CDH13: variants seen among roughly 807,000 people sequenced by gnomAD.
CDH13 encodes the protein cadherin 13.
A neutral mutation model predicts 63.8 loss-of-function variants in CDH13; 24 were observed. The observed-to-expected ratio is 0.38, with a 90% CI of 0.27 to 0.53. The LOEUF is 0.53. CDH13 is among the 20% of genes least tolerant of loss of function. The pLI is 0.85. For missense variants in CDH13, 1,049 were observed against 903.1 expected (o/e 1.16, Z -2.07); for synonymous variants, 503 against 355.3 (o/e 1.42, Z -4.67).
chr16:82,992,879 C>T (rs1011928728), intron 2 of CDH13, among the ~76,000 whole-genome samples: 1 of 152,110 alleles, frequency 6.6e-6, no homozygotes. Flanking sequence ...AATGAAGATG[C>T]TGGTTAGGCA....
At position 83,136,028 on chromosome 16, in the gene CDH13, T is replaced by G. The variant is rs535992275; in HGVS notation, c.483+10527T>G. On this transcript the variant is annotated intron_variant, in intron 4 of 13. Transcript: ENST00000567109. Reference sequence around the variant, plus strand: ...GACTTTGGGGACTGGGAGGAAAGGATGGGAGAGGGGAGAGGGATAAAAGAC... The same window carrying G: ...GACTTTGGGGACTGGGAGGAAAGGAGGGGAGAGGGGAGAGGGATAAAAGAC... Among the ~76,000 whole-genome samples the G allele has an allele frequency of 2.2e-3, 335 of 151,782 alleles. 3 individuals are homozygous for G. The highest frequency in any genetic ancestry group is 7.5e-3 in the African/African-American group (312 of 41,376).
At chr16:83,367,466 G>C (rs1281843408) in intron 6 of CDH13, among the ~76,000 whole-genome samples, 1 of 152,152 alleles carries the variant, frequency 6.6e-6, no homozygotes, top group Non-Finnish European at 1.5e-5. Flanking sequence ...TTTTGTGTAA[G>C]TTTCCTGTGG....
chr16:82,794,248 T>G (rs971188816), intron 1 of CDH13, among the ~76,000 whole-genome samples: 6 of 151,506 alleles, frequency 4.0e-5, no homozygotes, highest in African/African-American at 1.2e-4. Flanking sequence ...ATCATTCTTC[T>G]TCTTCCACTG....
At chr16:82,834,475 A>AT (rs1478109731) in intron 1 of CDH13, among the ~76,000 whole-genome samples, 17 of 152,226 alleles carry the variant, frequency 1.1e-4, no homozygotes, top group Admixed American at 1.1e-3. Context: ...CTCTAAAAAA[A>AT]AGAAAAGAGA....
intron 11 of CDH13, among the ~76,000 whole-genome samples, chr16:83,774,422 G>T (rs914810937): frequency 6.6e-6 from 1 of 152,120 alleles, no homozygotes; most frequent in Non-Finnish European, 1.5e-5. Context: ...GCCCAGGCTG[G>T]AGTGCAGTGG....
chr16:83,428,218 C>T (rs2071974363), intron 6 of CDH13, among the ~76,000 whole-genome samples: 1 of 152,100 alleles, frequency 6.6e-6, no homozygotes, highest in African/African-American at 2.4e-5. Context: ...TGTGACCTTC[C>T]ATGGGATCCA....
At chr16:83,045,120 A>G (rs1917659784) in intron 3 of CDH13, among the ~76,000 whole-genome samples, 1 of 152,052 alleles carries the variant, frequency 6.6e-6, no homozygotes, top group African/African-American at 2.4e-5. Context: ...GGTCGGCATG[A>G]CTCCTATTAG....
intron 7 of CDH13, among the ~76,000 whole-genome samples, chr16:83,497,211 C>T (rs1415839322): frequency 2.0e-5 from 3 of 151,914 alleles, no homozygotes; most frequent in Admixed American, 1.3e-4. Context: ...CACATGCACA[C>T]GTATGTTTAT....
intron 3 of CDH13, among the ~76,000 whole-genome samples, chr16:83,034,464 G>A (rs372492960): frequency 2.0e-5 from 3 of 152,308 alleles, no homozygotes; most frequent in East Asian, 3.9e-4. Flanking sequence ...CACCACAAAG[G>A]CAAGCTTTTC....
intron 1 of CDH13, among the ~76,000 whole-genome samples, chr16:82,690,652 C>G (rs1915555191): frequency 6.6e-6 from 1 of 152,142 alleles, no homozygotes; most frequent in Non-Finnish European, 1.5e-5. Context: ...GACCATTGTA[C>G]CCACAGTAAT....
intron 1 of CDH13, among the ~76,000 whole-genome samples, chr16:82,651,349 T>C (rs925745129): frequency 2.6e-5 from 4 of 152,192 alleles, no homozygotes; most frequent in African/African-American, 9.6e-5. Flanking sequence ...CACACACACA[T>C]ATACCATCTT....
At chr16:82,987,533 C>T (rs558685792) in intron 2 of CDH13, among the ~76,000 whole-genome samples, 22 of 152,036 alleles carry the variant, frequency 1.4e-4, no homozygotes, top group South Asian at 2.1e-4. Context: ...CCTAAAACCA[C>T]GCTCAGCTAA....
At position 82,644,900 on chromosome 16, in the gene CDH13, G is replaced by T. The variant is rs1909902735; in HGVS notation, c.45+17763G>T. Among the ~76,000 whole-genome samples the T allele has an allele frequency of 6.6e-6, 1 of 151,900 alleles. No individual in the cohort carries two copies. The highest frequency in any genetic ancestry group is 1.5e-5 in the Non-Finnish European group (1 of 67,954). On this transcript the variant is annotated intron_variant, in intron 1 of 13. Coordinates refer to ENST00000567109, the MANE Select transcript of CDH13 (RefSeq NM_001257.5). This position sits in a 1 kb window ranked among gnomAD's most constrained non-coding sequence, Gnocchi z 5.7. ...TCCATGGGAGGTTAATATGGGTTCT[G>T]GGGAAAAAAAATTAGGGGAATCAAA...
At chr16:83,447,618 C>T (rs17288766) in intron 6 of CDH13, among the ~76,000 whole-genome samples, 35,799 of 151,700 alleles carry the variant, frequency 0.24, 5,605 homozygotes, top group East Asian at 0.71. Context: ...CAGGAAGAAG[C>T]GTGTGAAAAC....
At chr16:83,385,939 A>C (rs572029300) in intron 6 of CDH13, among the ~76,000 whole-genome samples, 2 of 152,230 alleles carry the variant, frequency 1.3e-5, no homozygotes, top group African/African-American at 2.4e-5. Flanking sequence ...GTAGTTTATC[A>C]TAGTGCTGTG....
chr16:82,926,884 T>C (rs936836157), intron 2 of CDH13, among the ~76,000 whole-genome samples: 1 of 152,224 alleles, frequency 6.6e-6, no homozygotes, highest in African/African-American at 2.4e-5. Flanking sequence ...TATAATTGTA[T>C]AAGAAACCAT....
chr16:83,590,948 T>C (rs1906684123), intron 7 of CDH13, among the ~76,000 whole-genome samples: 1 of 146,108 alleles, frequency 6.8e-6, no homozygotes, highest in African/African-American at 2.6e-5. Flanking sequence ...TTCGCTCTCG[T>C]TGCCCAGGCT....
chr16:83,327,091 T>A (rs148467988), intron 5 of CDH13, among the ~76,000 whole-genome samples: 1 of 152,340 alleles, frequency 6.6e-6, no homozygotes, highest in African/African-American at 2.4e-5. Context: ...ATGACTTGTG[T>A]CATTTATAAA....
chr16:83,303,832 A>G (rs1411408711), intron 5 of CDH13, among the ~76,000 whole-genome samples: 1 of 151,944 alleles, frequency 6.6e-6, no homozygotes, highest in Non-Finnish European at 1.5e-5. Context: ...CCACCCTTAA[A>G]CTACACCTTG....
Sources: gnomAD v4.1 joint callset for allele counts (sites outside exome capture counted in the v4.1 genomes callset) on GRCh38, gnomAD v4.1.1 for gene constraint, Gnocchi (gnomAD v3.1) non-coding constraint, MANE v1.5 for transcripts, NCBI Gene and HGNC (gene_info 2026-07-23, HGNC 2026-07-21) for gene names.